PTPRD: variants seen among roughly 807,000 people sequenced by gnomAD.
PTPRD encodes protein tyrosine phosphatase receptor type D.
Under a neutral mutation model 214.5 loss-of-function variants are expected in PTPRD, and 34 were observed. That is an observed-to-expected ratio of 0.16 (90% CI 0.12 to 0.21). PTPRD has a LOEUF of 0.21. Ranked by LOEUF, PTPRD falls within the 10% of genes least tolerant of loss-of-function variation. PTPRD has a pLI of 1.00. For synonymous variants in PTPRD, 1,128 were observed against 845.7 expected (o/e 1.33, Z -5.79); for missense variants, 2,545 against 2,398.7 (o/e 1.06, Z -1.27).
chr9:8,739,805 C>T (rs2091452721), intron 11 of PTPRD, among the ~76,000 whole-genome samples: 1 of 152,132 alleles, frequency 6.6e-6, no homozygotes, highest in Non-Finnish European at 1.5e-5. Context: ...ATTATAGGGG[C>T]AGGGCTTTCC....
chr9:8,413,025 A>G (rs1031054103), intron 35 of PTPRD, among the ~76,000 whole-genome samples: 101 of 152,352 alleles, frequency 6.6e-4, no homozygotes, highest in African/African-American at 2.3e-3. Flanking sequence ...AAGAAACACT[A>G]TAAGGAAAAT....
At chr9:9,128,370 G>A (rs1179092721) in intron 10 of PTPRD, among the ~76,000 whole-genome samples, 3 of 152,100 alleles carry the variant, frequency 2.0e-5, no homozygotes, top group Non-Finnish European at 4.4e-5. Flanking sequence ...TGCACATACT[G>A]TCCAAGTATT....
intron 35 of PTPRD, among the ~76,000 whole-genome samples, chr9:8,416,529 G>A (rs1463611221): frequency 6.6e-6 from 1 of 152,250 alleles, no homozygotes; most frequent in South Asian, 2.1e-4. Context: ...TCATGTCAGA[G>A]GCAGAAGGAG....
At chr9:9,130,329 A>G (rs10123677) in intron 10 of PTPRD, among the ~76,000 whole-genome samples, 4,794 of 152,282 alleles carry the variant, frequency 0.031, 154 homozygotes, top group African/African-American at 0.067. Context: ...TAAAACATCA[A>G]AATTTTAAGT....
chr9:10,302,056 A>C (rs1008093869), intron 3 of PTPRD, among the ~76,000 whole-genome samples: 1 of 152,200 alleles, frequency 6.6e-6, no homozygotes, highest in African/African-American at 2.4e-5. Flanking sequence ...AAGCCCATCA[A>C]ACTAACAGCG....
chr9:9,793,899 T>C (rs2098984127), intron 5 of PTPRD, among the ~76,000 whole-genome samples: 1 of 152,040 alleles, frequency 6.6e-6, no homozygotes, highest in Non-Finnish European at 1.5e-5. Context: ...GTACTGGAAA[T>C]AGTTTATGAA....
At chr9:9,234,057 T>C (rs1423432153) in intron 9 of PTPRD, among the ~76,000 whole-genome samples, 1 of 152,182 alleles carries the variant, frequency 6.6e-6, no homozygotes, top group Non-Finnish European at 1.5e-5. Flanking sequence ...ATTTCCCTTC[T>C]GCACTGCCCT....
At chr9:8,381,748 T>A (rs1005769925) in intron 37 of PTPRD, among the ~76,000 whole-genome samples, 2 of 152,220 alleles carry the variant, frequency 1.3e-5, no homozygotes, top group African/African-American at 4.8e-5. Context: ...CTTTCTAAAC[T>A]GCTTATTAAC....
chr9:10,391,761 C>T (rs181368172), intron 2 of PTPRD, among the ~76,000 whole-genome samples: 2 of 151,890 alleles, frequency 1.3e-5, no homozygotes, highest in Admixed American at 1.3e-4. Flanking sequence ...TTTTACTCTC[C>T]TGTGCACAAA....
At chr9:9,425,706 T>C in intron 8 of PTPRD, among the ~76,000 whole-genome samples, 1 of 151,844 alleles carries the variant, frequency 6.6e-6, no homozygotes. Flanking sequence ...AGATATAGTT[T>C]TGAGCAAAGG....
intron 4 of PTPRD, among the ~76,000 whole-genome samples, chr9:9,955,063 G>C (rs2093790083): frequency 6.6e-6 from 1 of 152,172 alleles, no homozygotes; most frequent in Non-Finnish European, 1.5e-5. Flanking sequence ...TTGCATTTTA[G>C]TGAAGTAAAG....
chr9:8,582,187 A>C (rs12340105), intron 14 of PTPRD, among the ~76,000 whole-genome samples: 11,845 of 152,172 alleles, frequency 0.078, 988 homozygotes, highest in African/African-American at 0.2. Flanking sequence ...AAAGGTTGGG[A>C]CTAGCCAATA....
intron 3 of PTPRD, among the ~76,000 whole-genome samples, chr9:10,179,280 A>T (rs1593282994): frequency 1.3e-5 from 2 of 152,180 alleles, no homozygotes; most frequent in Admixed American, 6.5e-5. Flanking sequence ...AGCTGAAAGC[A>T]GATGTATCTG....
intron 9 of PTPRD, among the ~76,000 whole-genome samples, chr9:9,275,083 A>G (rs1421929238): frequency 1.4e-4 from 10 of 71,534 alleles, no homozygotes; most frequent in African/African-American, 5.2e-4. Flanking sequence ...TATATATATA[A>G]TATATATGTT....
rs536090996 is a variant in PTPRD at position 9,987,551 on chromosome 9, C to A, written c.-472+46167G>T. On this transcript the variant is annotated intron_variant, in intron 4 of 45. Coordinates refer to ENST00000381196, the MANE Select transcript of PTPRD (RefSeq NM_002839.4). ...TATCACGAGAACAGCACGGGAAAGA[C>A]CTGCCCCGACAACATGTGGGAATTA... 1.2e-4 allele frequency among the ~76,000 whole-genome samples: 18 copies of A among 152,174 alleles called. No individual in the cohort carries two copies. In the South Asian group the frequency reaches 3.5e-3, roughly 30 times the overall value.
intron 2 of PTPRD, among the ~76,000 whole-genome samples, chr9:10,471,301 AT>A (rs2099029663): frequency 6.6e-6 from 1 of 152,078 alleles, no homozygotes; most frequent in Non-Finnish European, 1.5e-5. Context: ...ATAATAAAAA[AT>A]AAATAAAATA....
chr9:9,472,189 C>CTTTT lies in PTPRD; in HGVS notation c.-236-74711_-236-74708dup, dbSNP rs1220396472. Among the ~76,000 whole-genome samples the CTTTT allele has an allele frequency of 8.9e-4, 74 of 82,818 alleles. 8 individuals are homozygous for CTTTT. Among genetic ancestry groups the CTTTT allele is most frequent in the African/African-American group, 1.8e-3 (43 of 23,724 alleles). 54.3% of individuals were successfully genotyped at this position (82,818 alleles called of 152,430 possible). ...CATGATAATCTACCCCTACTCCAAT[C>CTTTT]TTTTTTTTTTTTTTTTTCTTTTTTT... On this transcript the variant is annotated intron_variant, in intron 8 of 45. Transcript: ENST00000381196.
intron 10 of PTPRD, among the ~76,000 whole-genome samples, chr9:9,019,304 G>GAAAGA (rs777296376): frequency 1.2e-5 from 1 of 86,812 alleles, no homozygotes; most frequent in Admixed American, 1.1e-4. Context: ...AAGAAAGAAA[G>GAAAGA]AAAGAAAGAA....
At chr9:10,161,531 T>C (rs990737239) in intron 3 of PTPRD, among the ~76,000 whole-genome samples, 1 of 151,730 alleles carries the variant, frequency 6.6e-6, no homozygotes, top group Non-Finnish European at 1.5e-5. Flanking sequence ...TCTCTCACCA[T>C]ATATAACAAT....
Sources: allele counts gnomAD v4.1 joint callset (sites outside exome capture counted in the v4.1 genomes callset), GRCh38; gene constraint gnomAD v4.1.1; transcripts MANE v1.5; gene names NCBI Gene and HGNC (gene_info 2026-07-23, HGNC 2026-07-21).